ADRA1B: variants seen among roughly 807,000 people sequenced by gnomAD.
ADRA1B encodes the protein alpha-1B adrenergic receptor.
A neutral mutation model predicts 17.9 loss-of-function variants in ADRA1B; 17 were observed. The observed-to-expected ratio is 0.95, with a 90% CI of 0.65 to 1.42. The LOEUF is 1.42. Among genes scored for constraint, ADRA1B ranks in the 40% most tolerant of loss-of-function variants. ADRA1B has a pLI of 0.00. For missense variants in ADRA1B, 681 were observed against 722.1 expected, an observed-to-expected ratio of 0.94 and a Z score of 0.65; for synonymous variants, 366 against 327.6, an observed-to-expected ratio of 1.12 and a Z score of -1.27.
At chr5:159,957,929 C>CAAAA (rs35956137) in intron 1 of ADRA1B, among the ~76,000 whole-genome samples, 119 of 66,786 alleles carry the variant, frequency 1.8e-3, no homozygotes, top group African/African-American at 2.3e-3. Context: ...AACCCCATCT[C>CAAAA]AAAAAAAAAA....
At chr5:159,951,053 G>A (rs945129730) in intron 1 of ADRA1B, 1 of 707,946 alleles carries the variant, frequency 1.4e-6, no homozygotes, top group Admixed American at 1.8e-5. Context: ...GGTGCAGGAG[G>A]CATAGCTGAC....
intron 1 of ADRA1B, among the ~76,000 whole-genome samples, chr5:159,921,011 C>T (rs983009551): frequency 2.6e-5 from 4 of 152,278 alleles, no homozygotes; most frequent in South Asian, 4.1e-4. Context: ...TTGTTTTCTC[C>T]GTGGGAGAGA....
intron 1 of ADRA1B, among the ~76,000 whole-genome samples, chr5:159,942,168 C>T (rs529111499): frequency 2.6e-4 from 39 of 152,106 alleles, no homozygotes; most frequent in African/African-American, 8.7e-4. Flanking sequence ...GTGATCCGCC[C>T]GCCTCGGCCT....
chr5:159,888,053 C>T (rs945642582), intron 1 of ADRA1B: 3 of 152,148 alleles, frequency 2.0e-5, no homozygotes, highest in African/African-American at 7.2e-5. Flanking sequence ...AGGAGAAAAG[C>T]ATGCAGCCCA....
intron 1 of ADRA1B, among the ~76,000 whole-genome samples, chr5:159,939,318 T>TGCGCGCGC (rs1370884383): frequency 1.1e-3 from 110 of 98,162 alleles, no homozygotes; most frequent in Admixed American, 1.4e-3. Context: ...TGTGTGTGTG[T>TGCGCGCGC]GTGTGCGCGC....
At chr5:159,974,819 C>T (rs565868129), downstream of ADRA1B, among the ~76,000 whole-genome samples, 1 of 152,274 alleles carries the variant, frequency 6.6e-6, no homozygotes, top group South Asian at 2.1e-4. Flanking sequence ...ATGCTCTGAA[C>T]TGGATTTTAG....
At chr5:159,924,047 T>G (rs1211265640) in intron 1 of ADRA1B, among the ~76,000 whole-genome samples, 1 of 152,282 alleles carries the variant, frequency 6.6e-6, no homozygotes, top group Non-Finnish European at 1.5e-5. Flanking sequence ...TTCATTATAT[T>G]ATTCCTATTG....
At chr5:159,914,535 G>T (rs1754259359), upstream of ADRA1B, among the ~76,000 whole-genome samples, 1 of 152,080 alleles carries the variant, frequency 6.6e-6, no homozygotes, top group African/African-American at 2.4e-5. Flanking sequence ...AATTATAATA[G>T]AAAATAATCC....
At chr5:159,920,075 C>T (rs970181449) in intron 1 of ADRA1B, among the ~76,000 whole-genome samples, 18 of 152,302 alleles carry the variant, frequency 1.2e-4, no homozygotes, top group African/African-American at 4.1e-4. Context: ...TGGTAGCTGC[C>T]TGGGCCGAAC....
the ADRA1B span, among the ~76,000 whole-genome samples, chr5:159,978,262 A>G: frequency 6.6e-6 from 1 of 152,190 alleles, no homozygotes; most frequent in African/African-American, 2.4e-5. Context: ...TTGAGTGAAT[A>G]AATGTGTACT....
chr5:159,944,415 G>T (rs1389244827), intron 1 of ADRA1B, among the ~76,000 whole-genome samples: 1 of 152,232 alleles, frequency 6.6e-6, no homozygotes, highest in Middle Eastern at 3.2e-3. Flanking sequence ...AGTAGCACAA[G>T]ATCTCTGTTA....
At chr5:159,949,053 C>A (rs1354517674) in intron 1 of ADRA1B, among the ~76,000 whole-genome samples, 1 of 152,186 alleles carries the variant, frequency 6.6e-6, no homozygotes, top group Non-Finnish European at 1.5e-5. Flanking sequence ...AGCCTGACTG[C>A]AGAGCTAGCA....
intron 1 of ADRA1B, among the ~76,000 whole-genome samples, chr5:159,879,175 G>C (rs971808966): frequency 6.6e-6 from 1 of 152,156 alleles, no homozygotes; most frequent in Non-Finnish European, 1.5e-5. Context: ...GGCCTCTGCT[G>C]TCCCAGAGGT....
chr5:159,959,318 C>T (rs1755622599), intron 1 of ADRA1B, among the ~76,000 whole-genome samples: 1 of 152,164 alleles, frequency 6.6e-6, no homozygotes, highest in South Asian at 2.1e-4. Flanking sequence ...ATACAGGCAA[C>T]AACCATTTAT....
intron 1 of ADRA1B, among the ~76,000 whole-genome samples, chr5:159,876,166 G>A (rs1753800510): frequency 6.6e-6 from 1 of 152,102 alleles, no homozygotes; most frequent in Admixed American, 6.5e-5. Flanking sequence ...CCCAGCTGGG[G>A]GACAGAGCAA....
chr5:159,888,862 T>G (rs1184275332), intron 1 of ADRA1B, among the ~76,000 whole-genome samples: 1 of 152,240 alleles, frequency 6.6e-6, no homozygotes, highest in Non-Finnish European at 1.5e-5. Context: ...TTTGGAAACC[T>G]ACTTGTTTAC....
intron 1 of ADRA1B, among the ~76,000 whole-genome samples, chr5:159,878,053 C>T (rs527420453): frequency 1.3e-5 from 2 of 152,312 alleles, no homozygotes; most frequent in Admixed American, 1.3e-4. Context: ...GTCTCTTCAG[C>T]TTGGTCTTGT....
chr5:159,908,505 C>G (rs943679198), intron 1 of ADRA1B, among the ~76,000 whole-genome samples: 1 of 152,092 alleles, frequency 6.6e-6, no homozygotes, highest in African/African-American at 2.4e-5. Flanking sequence ...GCACGTCCTC[C>G]TCTTTCTTCC....
intron 1 of ADRA1B, among the ~76,000 whole-genome samples, chr5:159,924,657 C>T (rs919229397): frequency 2.6e-5 from 4 of 152,134 alleles, no homozygotes; most frequent in Non-Finnish European, 5.9e-5. Context: ...TGGAGCAAAA[C>T]GGCTCACAGA....
Sources: gnomAD v4.1 joint callset for allele counts (sites outside exome capture counted in the v4.1 genomes callset) on GRCh38, gnomAD v4.1.1 for gene constraint, MANE v1.5 for transcripts, NCBI Gene and HGNC (gene_info 2026-07-23, HGNC 2026-07-21) for gene names.